The following TRIM5 variants were observed in gnomAD, a reference collection of about 807,000 sequenced individuals.
The protein encoded by TRIM5 is tripartite motif containing 5, also known as tripartite motif-containing protein 5.
Under a neutral mutation model 35.6 loss-of-function variants are expected in TRIM5, and 31 were observed. That is an observed-to-expected ratio of 0.87 (90% CI 0.65 to 1.18). The LOEUF is 1.18. Among genes scored for constraint, TRIM5 ranks in the 50% most tolerant of loss-of-function variants. The pLI, the probability that TRIM5 is intolerant of heterozygous loss-of-function variation, is 0.00. For synonymous variants in TRIM5, 243 were observed against 215.6 expected, an observed-to-expected ratio of 1.13 and a Z score of -1.11; for missense variants, 609 against 591.6, an observed-to-expected ratio of 1.03 and a Z score of -0.31.
At chr11:5,597,395 C>T in the TRIM5 span, among the ~76,000 whole-genome samples, 1 of 152,148 alleles carries the variant, frequency 6.6e-6, no homozygotes, top group Non-Finnish European at 1.5e-5. Context: ...TTATAGGTTT[C>T]TGAAATGCAG....
At chr11:5,600,009 T>C in the TRIM5 span, among the ~76,000 whole-genome samples, 1 of 152,152 alleles carries the variant, frequency 6.6e-6, no homozygotes, top group Admixed American at 6.5e-5. Context: ...AAGGAAATAA[T>C]AGTGCAGTTC....
At chr11:5,614,854 A>G in the TRIM5 span, among the ~76,000 whole-genome samples, 2 of 152,346 alleles carry the variant, frequency 1.3e-5, no homozygotes, top group South Asian at 4.1e-4. Context: ...ATAACTTGAT[A>G]CATTTTGACT....
At chr11:5,649,415 G>A in the TRIM5 span, among the ~76,000 whole-genome samples, 1 of 152,018 alleles carries the variant, frequency 6.6e-6, no homozygotes, top group African/African-American at 2.4e-5. Flanking sequence ...TTTTTTTATT[G>A]ACTTTAATCA....
chr11:5,611,425 C>A, the TRIM5 span: 6 of 1,172,972 alleles, frequency 5.1e-6, no homozygotes, highest in Non-Finnish European at 7.3e-6. Context: ...TTCTGTTTTT[C>A]TGTGTTCTCA....
rs754680141 is a variant in TRIM5 at position 5,665,263 on chromosome 11, T to C, written c.1028A>G (p.Asn343Ser). 9.9e-6 allele frequency: 16 copies of C among 1,614,088 alleles called. No homozygotes were observed. The highest frequency in any genetic ancestry group is 5.5e-5 in the South Asian group (5 of 91,092). Reference protein sequence around the residue: ...GTRYQTFVNFNYCTGILGSQS... With the variant: ...GTRYQTFVNFSYCTGILGSQS... Reference sequence around the variant, plus strand: ...AGAGCCCAGGATGCCAGTACAATAATTGAAATTCACAAATGTCTGGTATCT... The same window carrying C: ...AGAGCCCAGGATGCCAGTACAATAACTGAAATTCACAAATGTCTGGTATCT... Residue 343 changes from asparagine to serine, a missense_variant, in exon 8 of 8, where the codon AAT (asparagine) becomes AGT (serine). By Grantham distance (46) the Asn-to-Ser change is conservative. Transcript: ENST00000380034.
chr11:5,600,097 A>G, the TRIM5 span, among the ~76,000 whole-genome samples: 2 of 152,232 alleles, frequency 1.3e-5, no homozygotes, highest in Non-Finnish European at 2.9e-5. Flanking sequence ...TAGTACTACC[A>G]GTTAGATGCA....
the TRIM5 span, among the ~76,000 whole-genome samples, chr11:5,607,853 A>G: frequency 6.6e-6 from 1 of 152,146 alleles, no homozygotes; most frequent in African/African-American, 2.4e-5. Flanking sequence ...AATCATAAGG[A>G]AAGGGGGCTG....
chr11:5,645,916 G>GAT, the TRIM5 span: 26 of 142,574 alleles, frequency 1.8e-4, no homozygotes, highest in East Asian at 9.8e-4. Flanking sequence ...GATATATATA[G>GAT]ATATATATAT....
chr11:5,610,596 A>T, the TRIM5 span: 1 of 1,604,302 alleles, frequency 6.2e-7, no homozygotes, highest in Non-Finnish European at 8.5e-7. Context: ...GGGCTGGCAC[A>T]TTCTGATCTC....
intron 3 of TRIM5, among the ~76,000 whole-genome samples, 193 bp downstream of exon 3, chr11:5,678,881 A>G (rs542750631): frequency 6.6e-6 from 1 of 152,304 alleles, no homozygotes; most frequent in East Asian, 1.9e-4. Flanking sequence ...TCCTTCATGT[A>G]AAGAGCTCCC....
At chr11:5,674,036 G>A (rs1851758466) in intron 4 of TRIM5, among the ~76,000 whole-genome samples, 3 of 151,876 alleles carry the variant, frequency 2.0e-5, no homozygotes, top group Admixed American at 2.0e-4. Context: ...AAAGATCAGA[G>A]CAGAAACGAT....
At chr11:5,657,607 T>A in the TRIM5 span, among the ~76,000 whole-genome samples, 3 of 105,658 alleles carry the variant, frequency 2.8e-5, no homozygotes, top group Admixed American at 2.7e-4. Flanking sequence ...ATAATATATA[T>A]TTATATATTA....
the TRIM5 span, among the ~76,000 whole-genome samples, chr11:5,639,726 A>G: frequency 6.9e-6 from 1 of 145,176 alleles, no homozygotes; most frequent in African/African-American, 2.5e-5. Context: ...GAGGTTGCCT[A>G]TAGGCGGTGG....
At chr11:5,595,122 T>C in the TRIM5 span, 1 of 152,184 alleles carries the variant, frequency 6.6e-6, no homozygotes, top group African/African-American at 2.4e-5. Context: ...TTAACCCAGC[T>C]CTCTCCCTAC....
chr11:5,647,861 A>T, the TRIM5 span, among the ~76,000 whole-genome samples: 3 of 152,036 alleles, frequency 2.0e-5, no homozygotes, highest in Non-Finnish European at 4.4e-5. Context: ...AGATGGAGGT[A>T]ATGCAATGGT....
chr11:5,602,422 G>A, the TRIM5 span, among the ~76,000 whole-genome samples: 4 of 151,700 alleles, frequency 2.6e-5, no homozygotes, highest in African/African-American at 4.8e-5. Context: ...CAGCCTGGGC[G>A]ACAGAGCAAG....
chr11:5,617,606 G>A, the TRIM5 span, among the ~76,000 whole-genome samples: 1,440 of 140,092 alleles, frequency 0.01, 228 homozygotes, highest in East Asian at 0.088. Flanking sequence ...CACCAGCCTC[G>A]GCCTCCCGAG....
the TRIM5 span, among the ~76,000 whole-genome samples, chr11:5,629,304 G>A: frequency 6.6e-6 from 1 of 151,940 alleles, no homozygotes. Context: ...ACAGGTCATT[G>A]AATTTAGGGC....
the TRIM5 span, among the ~76,000 whole-genome samples, chr11:5,597,668 ACT>A: frequency 2.0e-4 from 31 of 151,940 alleles, no homozygotes; most frequent in African/African-American, 7.5e-4. Flanking sequence ...GTCATTCCTA[ACT>A]CTGAACCCCC....
Sources: gnomAD v4.1 joint callset for allele counts (sites outside exome capture counted in the v4.1 genomes callset) on GRCh38, gnomAD v4.1.1 for gene constraint, MANE v1.5 for transcripts, NCBI Gene and HGNC (gene_info 2026-07-23, HGNC 2026-07-21) for gene names.